Variants in SNX14 observed in about 807,000 individuals in gnomAD.
SNX14 encodes the protein sorting nexin-14.
Under a neutral mutation model 133.8 loss-of-function variants are expected in SNX14, and 93 were observed. That is an observed-to-expected ratio of 0.70 (90% confidence interval 0.59 to 0.83). The LOEUF (loss-of-function observed/expected upper bound fraction) is 0.83. Among genes scored for constraint, SNX14 ranks in the 40% least tolerant of loss-of-function variants. The probability of loss-of-function intolerance (pLI) is 0.00; values close to 1 mark genes in which losing one functional copy is unlikely to be tolerated. For missense variants in SNX14, 945 were observed against 1,094.9 expected (o/e 0.86, Z 1.93); for synonymous variants, 368 against 365.6 (o/e 1.01, Z -0.07).
At chr6:85,552,393 C>CA (rs995134712) in intron 7 of SNX14, among the ~76,000 whole-genome samples, 6 of 151,798 alleles carry the variant, frequency 4.0e-5, no homozygotes, top group South Asian at 2.1e-4. Flanking sequence ...TATTCATACA[C>CA]AAAAAAAGGC....
chr6:85,521,296 T>A (rs1482270144), intron 21 of SNX14, among the ~76,000 whole-genome samples: 4 of 152,120 alleles, frequency 2.6e-5, no homozygotes, highest in Non-Finnish European at 4.4e-5. Context: ...CACAGTGGTG[T>A]GCTCATAGCT....
intron 21 of SNX14, among the ~76,000 whole-genome samples, chr6:85,523,934 A>G (rs979458199): frequency 6.6e-6 from 1 of 152,186 alleles, no homozygotes; most frequent in Non-Finnish European, 1.5e-5. Flanking sequence ...AGGTACAACT[A>G]AAGGTCAGAC....
chr6:85,531,165 C>T (rs1007789220), intron 18 of SNX14, among the ~76,000 whole-genome samples: 3 of 152,140 alleles, frequency 2.0e-5, no homozygotes, highest in African/African-American at 7.2e-5. Context: ...CTAAATTGGG[C>T]AGCACATAGT....
intron 7 of SNX14, among the ~76,000 whole-genome samples, chr6:85,553,592 G>A (rs772238710): frequency 6.6e-6 from 1 of 152,072 alleles, no homozygotes; most frequent in Non-Finnish European, 1.5e-5. Flanking sequence ...AGACCATCCT[G>A]GCTAACACGG....
At chr6:85,554,898 C>T (rs1266632140) in intron 7 of SNX14, among the ~76,000 whole-genome samples, 1 of 152,102 alleles carries the variant, frequency 6.6e-6, no homozygotes, top group East Asian at 1.9e-4. Context: ...TAGCTCACTG[C>T]AGTCTCAAAC....
chr6:85,514,085 T>A lies in SNX14; in HGVS notation c.2542A>T (p.Ile848Leu), dbSNP rs1227533454. The A allele has an allele frequency of 6.2e-7, 1 of 1,612,026 alleles. No homozygotes were observed. The highest frequency in any genetic ancestry group is 8.5e-7 in the Non-Finnish European group (1 of 1,179,482). The change falls in exon 25 of 29, where the codon ATA becomes TTA. Residue 848 changes from isoleucine to leucine, a missense_variant. By Grantham distance (5) the Ile-to-Leu change is conservative (BLOSUM62 2). This residue lies in a region of SNX14 where 412 missense variants were observed against 516.6 expected (regional missense o/e 0.80). Coordinates refer to ENST00000314673, the MANE Select transcript of SNX14 (RefSeq NM_153816.6). ...AAATACAAACCTCTGAGAAGTGTTA[T>A]GAGTGAGACCAAACGGTGCTCCTGA... ...LFQEHRLVSL[I>L]TLLRDAIFCE...
chr6:85,592,218 AT>A (rs1298596242), intron 1 of SNX14, among the ~76,000 whole-genome samples: 1 of 152,154 alleles, frequency 6.6e-6, no homozygotes, highest in African/African-American at 2.4e-5. Flanking sequence ...ATCAACTACT[AT>A]TTAAGCTCAA....
At chr6:85,589,574 A>G (rs1045393395) in intron 1 of SNX14, 4 of 152,168 alleles carry the variant, frequency 2.6e-5, no homozygotes, top group Non-Finnish European at 5.9e-5. Context: ...GTTCCAAAGC[A>G]CTCATCTTTA....
At chr6:85,547,029 A>G (rs1484452011) in intron 12 of SNX14, 83 bp downstream of exon 12, 7 of 939,072 alleles carry the variant, frequency 7.5e-6, no homozygotes, top group East Asian at 5.4e-5. Flanking sequence ...GATGGGTACC[A>G]CAACATCAGA....
intron 4 of SNX14, among the ~76,000 whole-genome samples, chr6:85,570,094 T>G (rs1365088504): frequency 1.3e-5 from 2 of 152,230 alleles, no homozygotes; most frequent in Non-Finnish European, 2.9e-5. Context: ...TTTTTTTCCA[T>G]TATTGCCTGC....
chr6:85,550,438 A>C lies in SNX14; in HGVS notation c.635-559T>G, dbSNP rs9450296. On this transcript the variant is annotated intron_variant, in intron 7 of 28. Coordinates refer to ENST00000314673, the MANE Select transcript of SNX14 (RefSeq NM_153816.6). ...GCACACATAAGGCTTTTGTTGCCAA[A>C]TCCTGTATCTTCTTTCTCCTCTCCA... Among the ~76,000 whole-genome samples the C allele has an allele frequency of 9.0e-3, 1,363 of 152,286 alleles. 15 individuals are homozygous for C. The highest frequency in any genetic ancestry group is 0.03 in the African/African-American group (1,232 of 41,576).
At chr6:85,539,619 A>G (rs985547102) in intron 15 of SNX14, among the ~76,000 whole-genome samples, 3 of 152,292 alleles carry the variant, frequency 2.0e-5, no homozygotes, top group Non-Finnish European at 2.9e-5. Flanking sequence ...TAAATTTCCA[A>G]TGAAAGAATG....
intron 1 of SNX14, among the ~76,000 whole-genome samples, chr6:85,575,601 G>A (rs1030984033): frequency 6.6e-6 from 1 of 152,250 alleles, no homozygotes; most frequent in African/African-American, 2.4e-5. Context: ...CAGTGGTAAT[G>A]CAAGAAGTAA....
intron 6 of SNX14, 130 bp downstream of exon 6, chr6:85,565,202 C>CCTGTATCAA (rs1167184578): frequency 2.2e-5 from 12 of 552,520 alleles, no homozygotes; most frequent in Non-Finnish European, 3.2e-5. Flanking sequence ...TTACTACATG[C>CCTGTATCAA]CTGTATCAAA....
Position 85,505,785 on chromosome 6 carries a change from C to A in SNX14, c.*182G>T. On this transcript the variant is annotated 3_prime_UTR_variant, in exon 29 of 29. Transcript: ENST00000314673. The stretch of plus-strand genomic sequence containing the variant: ...TGGATCACAGCTAGCAAATGAAAGA[C>A]TATGAGACTCAATCACTTTTAATCA... The A allele has an allele frequency of 1.7e-6, 1 of 585,820 alleles. No homozygotes were observed. 36.3% of individuals were successfully genotyped at this position (585,820 alleles called of 1,614,324 possible).
rs1359160872 is a variant in SNX14 at position 85,533,631 on chromosome 6, CA to C, written c.1777del (p.Cys593ValfsTer35). On this transcript the variant is annotated frameshift_variant, in exon 18 of 29. Transcript: ENST00000314673. LOFTEE classifies it high-confidence loss of function. Reference sequence around the variant, plus strand: ...TCTATCATTTCTTTCAACATCAATACAAAACACAGGAATTCTTTCTTTTTTC... The same window carrying C: ...TCTATCATTTCTTTCAACATCAATACAAACACAGGAATTCTTTCTTTTTTC... The part of the protein sequence containing the change: ...KEKKERIPVF[C>X]IDVERNDRRA... The C allele has an allele frequency of 1.2e-6, 2 of 1,613,420 alleles. No individual in the cohort carries two copies. Among genetic ancestry groups the C allele is most frequent in the Non-Finnish European group, 1.7e-6 (2 of 1,179,996 alleles).
At position 85,542,051 on chromosome 6, in the gene SNX14, A is replaced by T; in HGVS notation, c.1390-8T>A. 6.6e-7 allele frequency: 1 copy of T among 1,519,380 alleles called. No individual in the cohort carries two copies. Among genetic ancestry groups the T allele is most frequent in the Non-Finnish European group, 8.9e-7 (1 of 1,117,992 alleles). 94.1% of individuals were successfully genotyped at this position (1,519,380 alleles called of 1,614,324 possible). Reference sequence around the variant, plus strand: ...TAAAAGTTGTCTGAAATACTTTAAAATAACAAATAATAATTATCATTTATT... The same window carrying T: ...TAAAAGTTGTCTGAAATACTTTAAATTAACAAATAATAATTATCATTTATT... On this transcript the variant is annotated splice_polypyrimidine_tract_variant and splice_region_variant and intron_variant, in intron 14 of 28. Transcript: ENST00000314673.
Position 85,514,313 on chromosome 6 carries a change from A to G in SNX14, c.2393-79T>C, listed in dbSNP as rs1422474767. ...GAAATTTGCCAATGTAGAAAACACA[A>G]ATGACCATGGTCAATATTTTATTTG... On this transcript the variant is annotated intron_variant, in intron 24 of 28. Transcript: ENST00000314673. The G allele has an allele frequency of 2.6e-6, 4 of 1,524,250 alleles. No homozygotes were observed. In the African/African-American group the frequency reaches 5.6e-5, roughly 21 times the overall value. 94.4% of individuals were successfully genotyped at this position (1,524,250 alleles called of 1,614,324 possible). A position where few individuals can be genotyped will look rare whatever the true frequency, so the allele number is the denominator to read the frequency against.
intron 18 of SNX14, among the ~76,000 whole-genome samples, chr6:85,531,962 A>G (rs1415839764): frequency 6.6e-6 from 1 of 152,154 alleles, no homozygotes; most frequent in East Asian, 1.9e-4. Flanking sequence ...CGGGAAGTTG[A>G]GGCTGTAGTG....
Sources: allele counts gnomAD v4.1 joint callset (sites outside exome capture counted in the v4.1 genomes callset), GRCh38; gene constraint gnomAD v4.1.1; regional missense constraint gnomAD v4.1.1; transcripts MANE v1.5; gene names NCBI Gene and HGNC (gene_info 2026-07-23, HGNC 2026-07-21).